Variants in EXOC6B observed in about 807,000 individuals in gnomAD.
EXOC6B encodes the protein exocyst complex component 6B.
In EXOC6B, 54 loss-of-function variants were observed where a neutral mutation model predicts 113.5. That is an observed-to-expected ratio of 0.48 (90% CI 0.38 to 0.60). EXOC6B has a LOEUF of 0.60. Ranked by LOEUF, EXOC6B falls within the 20% of genes least tolerant of loss-of-function variation. The pLI is 0.00. For synonymous variants in EXOC6B, 357 were observed against 339.0 expected (o/e 1.05, Z -0.58); for missense variants, 797 against 977.5 (o/e 0.82, Z 2.46).
intron 8 of EXOC6B, among the ~76,000 whole-genome samples, chr2:72,545,597 A>G (rs570656609): frequency 7.2e-4 from 109 of 152,324 alleles, no homozygotes; most frequent in Middle Eastern, 6.8e-3. Context: ...GTCTCTACAT[A>G]ACGAGGTGTT....
At chr2:72,792,599 T>C (rs1024288180) in intron 1 of EXOC6B, among the ~76,000 whole-genome samples, 1 of 152,204 alleles carries the variant, frequency 6.6e-6, no homozygotes, top group Admixed American at 6.5e-5. Context: ...TAGTGTTTAC[T>C]ATGAGCCAGT....
intron 6 of EXOC6B, among the ~76,000 whole-genome samples, chr2:72,653,607 C>CCA (rs1553460772): frequency 2.8e-5 from 4 of 144,022 alleles, no homozygotes; most frequent in Non-Finnish European, 4.5e-5. Context: ...AACCCCCCCC[C>CCA]AAAAAGAAAG....
chr2:72,193,708 G>A (rs934950507), intron 20 of EXOC6B, among the ~76,000 whole-genome samples: 1 of 152,094 alleles, frequency 6.6e-6, no homozygotes, highest in Non-Finnish European at 1.5e-5. Flanking sequence ...GGATGGGGTG[G>A]GGGTGTCAAG....
intron 7 of EXOC6B, among the ~76,000 whole-genome samples, chr2:72,561,014 G>A (rs1217203185): frequency 6.6e-6 from 1 of 151,948 alleles, no homozygotes. Flanking sequence ...GAGTCCACAG[G>A]TGATCATTTT....
At chr2:72,447,518 C>G (rs1223206126) in intron 18 of EXOC6B, among the ~76,000 whole-genome samples, 1 of 152,094 alleles carries the variant, frequency 6.6e-6, no homozygotes, top group Non-Finnish European at 1.5e-5. Context: ...TTTATGAGCT[C>G]CAGTATATTG....
At chr2:72,401,550 T>TATATATATATATAC (rs1693222022) in intron 18 of EXOC6B, among the ~76,000 whole-genome samples, 12 of 21,992 alleles carry the variant, frequency 5.5e-4, no homozygotes, top group South Asian at 1.3e-3. Context: ...TATATGTGTA[T>TATATATATATATAC]ATATATATAT....
At chr2:72,394,018 C>G (rs573768716) in intron 18 of EXOC6B, among the ~76,000 whole-genome samples, 28 of 152,138 alleles carry the variant, frequency 1.8e-4, no homozygotes, top group Non-Finnish European at 3.5e-4. Flanking sequence ...TAACCTTTGT[C>G]TCAATTTCCT....
At chr2:72,625,057 T>C (rs1037273874) in intron 6 of EXOC6B, among the ~76,000 whole-genome samples, 1 of 129,876 alleles carries the variant, frequency 7.7e-6, no homozygotes, top group Non-Finnish European at 1.7e-5. Context: ...CATATAGAAG[T>C]TTTTTTTTGG....
At chr2:72,705,218 A>T (rs1317026541) in intron 6 of EXOC6B, among the ~76,000 whole-genome samples, 1 of 152,206 alleles carries the variant, frequency 6.6e-6, no homozygotes, top group African/African-American at 2.4e-5. Flanking sequence ...ACAGAGCCAA[A>T]GACAAAAACC....
chr2:72,641,915 C>T (rs1277386359), intron 6 of EXOC6B, among the ~76,000 whole-genome samples: 1 of 152,262 alleles, frequency 6.6e-6, no homozygotes, highest in Non-Finnish European at 1.5e-5. Flanking sequence ...TGCTGCTCTG[C>T]AGCCTCCGCT....
intron 20 of EXOC6B, among the ~76,000 whole-genome samples, chr2:72,329,963 A>G (rs2104861056): frequency 6.6e-6 from 1 of 152,218 alleles, no homozygotes; most frequent in East Asian, 1.9e-4. Flanking sequence ...CCTAGAGGGA[A>G]TATCAACAGC....
At chr2:72,483,921 TA>T (rs1699260404) in intron 16 of EXOC6B, among the ~76,000 whole-genome samples, 1 of 152,154 alleles carries the variant, frequency 6.6e-6, no homozygotes, top group Non-Finnish European at 1.5e-5. Context: ...TTCAAGGACA[TA>T]AAACTAATAA....
At chr2:72,625,157 C>T (rs1021093009) in intron 6 of EXOC6B, among the ~76,000 whole-genome samples, 1 of 150,942 alleles carries the variant, frequency 6.6e-6, no homozygotes, top group African/African-American at 2.4e-5. Context: ...GTCAGGTAAT[C>T]CTCCCACATC....
At chr2:72,192,965 G>A (rs903585928) in intron 20 of EXOC6B, among the ~76,000 whole-genome samples, 2 of 152,168 alleles carry the variant, frequency 1.3e-5, no homozygotes, top group African/African-American at 4.8e-5. Flanking sequence ...TACCTCTTCA[G>A]AGCATGGCCA....
intron 6 of EXOC6B, among the ~76,000 whole-genome samples, chr2:72,717,123 C>T (rs912135230): frequency 1.9e-4 from 29 of 152,088 alleles, no homozygotes; most frequent in African/African-American, 6.8e-4. Context: ...TGAAGTATAA[C>T]ACTGACAAAA....
chr2:72,286,815 C>T (rs1054529771), intron 20 of EXOC6B, among the ~76,000 whole-genome samples: 4 of 151,806 alleles, frequency 2.6e-5, no homozygotes, highest in Admixed American at 6.6e-5. Context: ...TGTAAAAATA[C>T]GAAGTCCTTT....
intron 5 of EXOC6B, among the ~76,000 whole-genome samples, chr2:72,720,119 A>G (rs900802837): frequency 2.0e-5 from 3 of 152,198 alleles, no homozygotes; most frequent in African/African-American, 4.8e-5. Flanking sequence ...TATAATCCAT[A>G]GAACAACCTC....
chr2:72,326,032 C>T (rs1428952361), intron 20 of EXOC6B, among the ~76,000 whole-genome samples: 1 of 152,072 alleles, frequency 6.6e-6, no homozygotes, highest in East Asian at 1.9e-4. Flanking sequence ...TCTCTGCTGC[C>T]CTCCACCGGC....
chr2:72,559,438 C>T lies in EXOC6B; in HGVS notation c.915+15G>A. 1 of 1,535,614 alleles carries T rather than the reference C, an allele frequency of 6.5e-7. No homozygotes were observed. Among genetic ancestry groups the T allele is most frequent in the Non-Finnish European group, 8.8e-7 (1 of 1,142,610 alleles). ...AATGGACATCTTTATTAGGCAGAGC[C>T]AGATAAAGACTCACCAGGACAGAAT... On this transcript the variant is annotated intron_variant, in intron 8 of 21. Transcript: ENST00000272427.
Sources: gnomAD v4.1 joint callset for allele counts (sites outside exome capture counted in the v4.1 genomes callset) on GRCh38, gnomAD v4.1.1 for gene constraint, MANE v1.5 for transcripts, NCBI Gene and HGNC (gene_info 2026-07-23, HGNC 2026-07-21) for gene names.